Variants in TEX36 observed in about 807,000 individuals in gnomAD.
TEX36 encodes the protein testis expressed 36.
A neutral mutation model predicts 13.6 loss-of-function variants in TEX36; 12 were observed. The observed-to-expected ratio is 0.88, with a 90% CI of 0.56 to 1.43. The LOEUF is 1.43. Among genes scored for constraint, TEX36 ranks in the 40% most tolerant of loss-of-function variants. TEX36 has a pLI of 0.00. For synonymous variants in TEX36, 93 were observed against 83.0 expected (o/e 1.12, Z -0.65); for missense variants, 224 against 228.3 (o/e 0.98, Z 0.12).
chr10:125,580,186 A>G (rs1331821104), intron 3 of TEX36, among the ~76,000 whole-genome samples: 1 of 152,190 alleles, frequency 6.6e-6, no homozygotes, highest in East Asian at 1.9e-4. Flanking sequence ...TTTCTTGCAC[A>G]TTGGACTTGT....
intron 3 of TEX36, among the ~76,000 whole-genome samples, chr10:125,577,192 C>T (rs1261978750): frequency 6.6e-6 from 1 of 152,144 alleles, no homozygotes; most frequent in African/African-American, 2.4e-5. Context: ...TGCTCTTCTG[C>T]ATGGACAAAA....
At chr10:125,616,236 T>C (rs1318060317) in intron 3 of TEX36, among the ~76,000 whole-genome samples, 4 of 152,186 alleles carry the variant, frequency 2.6e-5, no homozygotes, top group African/African-American at 9.7e-5. Context: ...AAAAACCAGC[T>C]CCTGGATTCA....
chr10:125,619,701 C>T (rs945147153), downstream of TEX36, among the ~76,000 whole-genome samples: 5 of 151,800 alleles, frequency 3.3e-5, no homozygotes, highest in South Asian at 2.1e-4. Context: ...GGATTACAGG[C>T]GCACACCACC....
At chr10:125,600,477 T>G (rs189731651) in intron 3 of TEX36, among the ~76,000 whole-genome samples, 2 of 152,310 alleles carry the variant, frequency 1.3e-5, no homozygotes, top group East Asian at 3.9e-4. Context: ...CTGAGCCTGT[T>G]GTACTTCTGG....
At chr10:125,606,385 A>C (rs1160277789) in intron 3 of TEX36, among the ~76,000 whole-genome samples, 3 of 152,254 alleles carry the variant, frequency 2.0e-5, no homozygotes, top group Non-Finnish European at 4.4e-5. Context: ...TGCACAAAAA[A>C]CAGTTTAACC....
chr10:125,667,606 G>A (rs1440207551), intron 1 of TEX36: 4 of 729,776 alleles, frequency 5.5e-6, no homozygotes, highest in Non-Finnish European at 1.0e-5. Flanking sequence ...TCCCTGCAAG[G>A]GAGACCACGC....
At chr10:125,585,105 C>T (rs753363797) in intron 3 of TEX36, among the ~76,000 whole-genome samples, 1 of 152,076 alleles carries the variant, frequency 6.6e-6, no homozygotes, top group African/African-American at 2.4e-5. Flanking sequence ...AGAAAAACAC[C>T]AGGAAAAACA....
chr10:125,601,413 A>G (rs563728861), intron 3 of TEX36, among the ~76,000 whole-genome samples: 75 of 152,366 alleles, frequency 4.9e-4, no homozygotes, highest in African/African-American at 1.8e-3. Context: ...ATAGCCCCAA[A>G]GGTGGTTAGC....
rs543471311 is a variant in TEX36, at chr10:125,648,515, C to T, written c.264+12506G>A. 3.9e-5 allele frequency among the ~76,000 whole-genome samples: 6 copies of T among 152,312 alleles called. No homozygotes were observed. In the East Asian group the frequency reaches 1.2e-3, roughly 29 times the overall value. On this transcript the variant is annotated intron_variant, in intron 3 of 3. Transcript: ENST00000526819. ...AACCCCATCTGTATGTTACCATCAT[C>T]AAAGACAAAAGGTAGATAGAACCAC...
chr10:125,631,193 G>T (rs1846549706), intron 3 of TEX36, among the ~76,000 whole-genome samples: 1 of 152,206 alleles, frequency 6.6e-6, no homozygotes, highest in Admixed American at 6.5e-5. Context: ...TTTCTCCAAT[G>T]ACTACAACTG....
downstream of TEX36, among the ~76,000 whole-genome samples, chr10:125,653,997 A>G (rs367927380): frequency 2.6e-5 from 4 of 152,042 alleles, no homozygotes; most frequent in African/African-American, 7.2e-5. Context: ...GAAAATGAGG[A>G]TATATACTCT....
intron 1 of TEX36, among the ~76,000 whole-genome samples, chr10:125,680,242 T>A (rs975994223): frequency 7.2e-5 from 11 of 152,074 alleles, no homozygotes; most frequent in African/African-American, 2.7e-4. Flanking sequence ...TTGTGGAAAA[T>A]CAGGCTGGGG....
intron 1 of TEX36, among the ~76,000 whole-genome samples, chr10:125,676,170 T>G (rs926286676): frequency 2.0e-5 from 3 of 152,230 alleles, no homozygotes; most frequent in Non-Finnish European, 4.4e-5. Flanking sequence ...GTTTCTTGGT[T>G]GAGTTACTGT....
chr10:125,663,972 A>G (rs903872190), intron 1 of TEX36, among the ~76,000 whole-genome samples: 5 of 152,020 alleles, frequency 3.3e-5, no homozygotes, highest in African/African-American at 1.2e-4. Flanking sequence ...TTTTTGTACC[A>G]TTTTCCATCC....
chr10:125,619,255 A>G (rs1305334491), downstream of TEX36, among the ~76,000 whole-genome samples: 2 of 152,202 alleles, frequency 1.3e-5, no homozygotes, highest in Non-Finnish European at 2.9e-5. Flanking sequence ...CTATCACAGA[A>G]ACAGAGCACT....
At chr10:125,652,399 T>C (rs564496656), downstream of TEX36, among the ~76,000 whole-genome samples, 1 of 152,336 alleles carries the variant, frequency 6.6e-6, no homozygotes, top group African/African-American at 2.4e-5. Context: ...GGATTCCCTA[T>C]TTAATAAATG....
At chr10:125,639,690 T>C (rs1465823988) in intron 3 of TEX36, among the ~76,000 whole-genome samples, 1 of 152,196 alleles carries the variant, frequency 6.6e-6, no homozygotes, top group Non-Finnish European at 1.5e-5. Flanking sequence ...TTGGCAAACA[T>C]GATTGCTTTA....
At chr10:125,609,591 T>C (rs747502659) in intron 3 of TEX36, among the ~76,000 whole-genome samples, 7 of 152,182 alleles carry the variant, frequency 4.6e-5, no homozygotes, top group Non-Finnish European at 8.8e-5. Context: ...GGAACTACCA[T>C]ATTGAAGATG....
chr10:125,651,925 A>G (rs1846866115), downstream of TEX36, among the ~76,000 whole-genome samples: 1 of 152,216 alleles, frequency 6.6e-6, no homozygotes, highest in South Asian at 2.1e-4. Context: ...TAGGAATCCA[A>G]CTTACAAGGT....
Sources: allele counts gnomAD v4.1 joint callset (sites outside exome capture counted in the v4.1 genomes callset), GRCh38; gene constraint gnomAD v4.1.1; transcripts MANE v1.5; gene names NCBI Gene and HGNC (gene_info 2026-07-23, HGNC 2026-07-21).